The following NCK1 variants were observed in gnomAD, a reference collection of about 807,000 sequenced individuals.
NCK1 encodes the protein NCK adaptor protein 1.
NCK1 carries 19 observed loss-of-function variants against 36.6 expected under a neutral mutation model. The ratio of observed to expected loss-of-function variants is 0.52; its 90% CI spans 0.36 to 0.76. The LOEUF (loss-of-function observed/expected upper bound fraction) is 0.76. NCK1 is among the 30% of genes least tolerant of loss of function. The pLI, the probability that NCK1 is intolerant of heterozygous loss-of-function variation, is 0.00. For synonymous variants in NCK1, 165 were observed against 156.0 expected (o/e 1.06, Z -0.43); for missense variants, 358 against 445.6 (o/e 0.80, Z 1.77).
At chr3:136,939,395 A>G (rs1940613125) in intron 2 of NCK1, among the ~76,000 whole-genome samples, 1 of 151,896 alleles carries the variant, frequency 6.6e-6, no homozygotes, top group Non-Finnish European at 1.5e-5. Context: ...TTTTACTGAT[A>G]TTTTCAAATA....
intron 1 of NCK1, among the ~76,000 whole-genome samples, chr3:136,912,162 C>CTTTTTTTTTTTTTT (rs57596314): frequency 5.5e-5 from 7 of 128,156 alleles, no homozygotes; most frequent in South Asian, 2.3e-4. Context: ...ATTATTTTTT[C>CTTTTTTTTTTTTTT]TTTTTTTTTT....
At chr3:136,890,546 A>G (rs1939213339) in intron 1 of NCK1, among the ~76,000 whole-genome samples, 1 of 152,260 alleles carries the variant, frequency 6.6e-6, no homozygotes, top group African/African-American at 2.4e-5. Context: ...GAGGACTGCC[A>G]GCACGCTGTC....
intron 1 of NCK1, among the ~76,000 whole-genome samples, chr3:136,870,047 TTTTA>T (rs1466114166): frequency 2.1e-4 from 22 of 106,622 alleles, no homozygotes; most frequent in Non-Finnish European, 4.1e-4. Flanking sequence ...TTTTTTTTTT[TTTTA>T]AAAGAATCAT....
chr3:136,900,246 G>A (rs1939508385), intron 1 of NCK1, among the ~76,000 whole-genome samples: 1 of 152,016 alleles, frequency 6.6e-6, no homozygotes, highest in African/African-American at 2.4e-5. Flanking sequence ...TAATCAGTTG[G>A]CTTTAAATAT....
chr3:136,875,724 G>A (rs1938747891), intron 1 of NCK1, among the ~76,000 whole-genome samples: 1 of 149,090 alleles, frequency 6.7e-6, no homozygotes, highest in Non-Finnish European at 1.5e-5. Flanking sequence ...ACACCCCACT[G>A]TCAACATTAG....
intron 1 of NCK1, among the ~76,000 whole-genome samples, chr3:136,890,098 G>A (rs900637004): frequency 5.9e-5 from 9 of 152,162 alleles, no homozygotes; most frequent in South Asian, 2.1e-4. Context: ...CCCATGGGGC[G>A]GGGAGGCTCA....
chr3:136,877,389 C>T (rs915025927), intron 1 of NCK1, among the ~76,000 whole-genome samples: 3 of 151,916 alleles, frequency 2.0e-5, no homozygotes, highest in Non-Finnish European at 2.9e-5. Context: ...CTGAGAAATT[C>T]GGGGATTAGA....
chr3:136,918,845 T>A (rs1394181190), intron 1 of NCK1, among the ~76,000 whole-genome samples: 1 of 152,196 alleles, frequency 6.6e-6, no homozygotes, highest in Non-Finnish European at 1.5e-5. Context: ...CCTCATTGTC[T>A]TGATAAAGTG....
chr3:136,910,853 G>A (rs1352119079), intron 1 of NCK1, among the ~76,000 whole-genome samples: 3 of 152,068 alleles, frequency 2.0e-5, no homozygotes, highest in Non-Finnish European at 4.4e-5. Context: ...GAATCACTGT[G>A]CTGTGCAATA....
At chr3:136,909,883 T>C (rs1316259881) in intron 1 of NCK1, among the ~76,000 whole-genome samples, 1 of 152,212 alleles carries the variant, frequency 6.6e-6, no homozygotes, top group African/African-American at 2.4e-5. Flanking sequence ...CTGATGTTAA[T>C]ACAGCCCACC....
At chr3:136,948,049 G>T (rs1035249682) in intron 3 of NCK1, among the ~76,000 whole-genome samples, 1 of 151,998 alleles carries the variant, frequency 6.6e-6, no homozygotes, top group African/African-American at 2.4e-5. Flanking sequence ...GATGATATTG[G>T]CCAAGTTATT....
chr3:136,899,125 C>T, intron 1 of NCK1: 1 of 195,806 alleles, frequency 5.1e-6, no homozygotes, highest in South Asian at 1.1e-4. Context: ...GGACAAGCCA[C>T]AGCAGAGACT....
intron 1 of NCK1, among the ~76,000 whole-genome samples, chr3:136,894,135 C>T (rs907134385): frequency 2.0e-5 from 3 of 152,154 alleles, no homozygotes; most frequent in Admixed American, 2.0e-4. Context: ...TTTGCCTGCT[C>T]GTTCATCAGT....
intron 1 of NCK1, among the ~76,000 whole-genome samples, chr3:136,905,202 T>C (rs1819095): frequency 0.63 from 94,857 of 151,376 alleles, 30,026 homozygotes; most frequent in East Asian, 0.87. Context: ...TTGTATTCTT[T>C]GCAGAGACAG....
At chr3:136,945,544 T>G in intron 2 of NCK1, 39 bp from the exon 3 acceptor site, 1 of 1,390,184 alleles carries the variant, frequency 7.2e-7, no homozygotes, top group Non-Finnish European at 9.9e-7. Context: ...TAATCATTTT[T>G]TTATATTCTC....
intron 1 of NCK1, among the ~76,000 whole-genome samples, chr3:136,902,544 T>G (rs1423819730): frequency 6.6e-6 from 1 of 152,204 alleles, no homozygotes; most frequent in Admixed American, 6.5e-5. Flanking sequence ...AGGAGATACT[T>G]GATACGATTT....
chr3:136,899,549 A>T, intron 1 of NCK1: 1 of 547,920 alleles, frequency 1.8e-6, no homozygotes, highest in Middle Eastern at 4.0e-4. Context: ...GTTTGGTGTT[A>T]TTAGCACTAT....
intron 2 of NCK1, among the ~76,000 whole-genome samples, chr3:136,932,663 C>G (rs958413123): frequency 1.3e-5 from 2 of 152,128 alleles, no homozygotes; most frequent in Non-Finnish European, 2.9e-5. Flanking sequence ...ATTTTCTGTT[C>G]CTTGTAAAAG....
chr3:136,922,351 G>C (rs1403496538), intron 1 of NCK1, among the ~76,000 whole-genome samples: 1 of 152,118 alleles, frequency 6.6e-6, no homozygotes, highest in Non-Finnish European at 1.5e-5. Context: ...AGTCACAAAG[G>C]GACAGAGAAA....
Sources: gnomAD v4.1 joint callset for allele counts (sites outside exome capture counted in the v4.1 genomes callset) on GRCh38, gnomAD v4.1.1 for gene constraint, MANE v1.5 for transcripts, NCBI Gene and HGNC (gene_info 2026-07-23, HGNC 2026-07-21) for gene names.